Variants in UCP2 observed in about 807,000 individuals in gnomAD.
UCP2 encodes uncoupling protein 2.
Under a neutral mutation model 31.3 loss-of-function variants are expected in UCP2, and 27 were observed. That is an observed-to-expected ratio of 0.86 (90% CI 0.64 to 1.19). UCP2 has a LOEUF of 1.19. Among genes scored for constraint, UCP2 ranks in the 50% most tolerant of loss-of-function variants. The pLI is 0.00. For missense variants in UCP2, 377 were observed against 413.5 expected, an observed-to-expected ratio of 0.91 and a Z score of 0.76; for synonymous variants, 142 against 157.4, an observed-to-expected ratio of 0.90 and a Z score of 0.73.
At position 73,978,371 on chromosome 11, in the gene UCP2, C is replaced by A. The variant is rs142733319; in HGVS notation, c.8G>T (p.Gly3Val). Reference protein sequence around the residue: MVGFKATDVPPTA... With the variant: MVVFKATDVPPTA... ...AGGGGGCACATCTGTGGCCTTGAAC[C>A]CAACCATGATGCTGATTTCCTGCTA... The change falls in exon 3 of 8, where the codon GGG becomes GTG. Residue 3 changes from glycine to valine, a missense_variant. Transcript: ENST00000663595. The A allele has an allele frequency of 2.1e-5, 34 of 1,614,064 alleles. No individual in the cohort carries two copies. The African/African-American group carries it at 4.4e-4, about 21-fold the overall frequency.
At chr11:73,981,165 A>G (rs1298733218) in intron 2 of UCP2, 1 of 152,246 alleles carries the variant, frequency 6.6e-6, no homozygotes, top group East Asian at 1.9e-4. Context: ...ATCAATATGA[A>G]GTTAGAACAA....
intron 2 of UCP2, chr11:73,980,024 C>G (rs2135370909): frequency 6.6e-6 from 1 of 152,380 alleles, no homozygotes; most frequent in East Asian, 1.9e-4. Context: ...CACCACAAGA[C>G]AGGCAGGGAT....
chr11:73,977,748 A>G lies in UCP2; in HGVS notation c.337+138T>C, dbSNP rs529284886. On this transcript the variant is annotated intron_variant, in intron 4 of 7. Transcript: ENST00000663595. ...GTGCTTAGGAACTATGTGGAGGACCAGGGCCCCTTCCAGTTCTCTGTTCCC... is the reference window on the plus strand; with the variant it reads ...GTGCTTAGGAACTATGTGGAGGACCGGGGCCCCTTCCAGTTCTCTGTTCCC... 523 of 1,170,954 alleles carry G rather than the reference A, an allele frequency of 4.5e-4. 1 individual carries two copies. The highest frequency in any genetic ancestry group is 5.2e-4 in the Non-Finnish European group (432 of 828,158). 72.5% of individuals were successfully genotyped at this position (1,170,954 alleles called of 1,614,324 possible). A position where few individuals can be genotyped will look rare whatever the true frequency, so the allele number is the denominator to read the frequency against.
intron 1 of UCP2, among the ~76,000 whole-genome samples, chr11:73,982,398 C>T (rs1951474021): frequency 6.6e-6 from 1 of 152,108 alleles, no homozygotes; most frequent in Non-Finnish European, 1.5e-5. Flanking sequence ...GCCAGCCTGG[C>T]CAACATGGCG....
rs1325702657 is a variant in UCP2, at chr11:73,975,124, A to G, written c.816-3T>C. The G allele has an allele frequency of 6.2e-7, 1 of 1,609,528 alleles. No homozygotes were observed. The highest frequency in any genetic ancestry group is 1.3e-5 in the African/African-American group (1 of 74,714). On this transcript the variant is annotated splice_polypyrimidine_tract_variant and splice_region_variant and intron_variant, in intron 7 of 7. Coordinates refer to ENST00000663595, the MANE Select transcript of UCP2 (RefSeq NM_003355.3). The stretch of plus-strand genomic sequence containing the variant: ...AGCGGAGAAAGGAGGGCATGAACCT[A>G]GAGGAGAAAAATCACAGGTCATGGG...
chr11:73,976,163 G>A (rs907212883), intron 6 of UCP2, among the ~76,000 whole-genome samples: 2 of 152,086 alleles, frequency 1.3e-5, no homozygotes, highest in African/African-American at 2.4e-5. Context: ...CCAGGAGTTC[G>A]AGACCAGCCT....
chr11:73,982,452 G>A (rs914203903), intron 1 of UCP2, among the ~76,000 whole-genome samples: 2 of 152,216 alleles, frequency 1.3e-5, no homozygotes, highest in Admixed American at 1.3e-4. Context: ...AGGCGTGGTG[G>A]CGGGCGCCTG....
In UCP2 at chr11:73,981,614, A is replaced by T. The variant is rs1008897739; in HGVS notation, c.-238T>A. On this transcript the variant is annotated 5_prime_UTR_variant, in exon 2 of 8. Coordinates refer to ENST00000663595, the MANE Select transcript of UCP2 (RefSeq NM_003355.3). ...AAAATGGGTGGGAGACGAAACACCT[A>T]ATGGTCATACTATGTGTCCTGTGGG... The T allele has an allele frequency of 1.3e-5, 2 of 152,154 alleles. No individual in the cohort carries two copies. The highest frequency in any genetic ancestry group is 2.9e-5 in the Non-Finnish European group (2 of 68,050). The allele number at this position is 152,154 out of a possible 1,614,324, so 9.4% of individuals were successfully genotyped here.
At position 73,975,597 on chromosome 11, in the gene UCP2, C is replaced by G. The variant is rs758970493; in HGVS notation, c.709G>C (p.Val237Leu). The change falls in exon 7 of 8, where the codon GTG becomes CTG. Residue 237 changes from valine to leucine, a missense_variant. Val to Leu is a conservative substitution (Grantham distance 32). Coordinates refer to ENST00000663595, the MANE Select transcript of UCP2 (RefSeq NM_003355.3). ...CTTVIASPVD[V>L]VKTRYMNSAL... ...GAGTTCATGTATCTCGTCTTGACCA[C>G]GTCTACAGGGGAGGCGATGACAGTG... 1 of 1,614,170 alleles carries G rather than the reference C, an allele frequency of 6.2e-7. No individual in the cohort carries two copies. Among genetic ancestry groups the G allele is most frequent in the Non-Finnish European group, 8.5e-7 (1 of 1,180,032 alleles).
Position 73,975,005 on chromosome 11 carries a change from G to C in UCP2, c.*2C>G, listed in dbSNP as rs114649509. 325 of 1,578,444 alleles carry C rather than the reference G, an allele frequency of 2.1e-4. 1 individual carries two copies. The African/African-American group carries it at 4.2e-3, about 20-fold the overall frequency. On this transcript the variant is annotated 3_prime_UTR_variant, in exon 8 of 8. Transcript: ENST00000663595. ...GGTGATCAGGTCAGCAGCAGGAGAG[G>C]CTCAGAAGGGAGCCTCTCGGGAAGT...
Position 73,976,812 on chromosome 11 carries a change from C to G in UCP2, c.532+11G>C. 1.2e-6 allele frequency: 2 copies of G among 1,614,262 alleles called. No homozygotes were observed. The highest frequency in any genetic ancestry group is 2.2e-5 in the East Asian group (1 of 44,896). On this transcript the variant is annotated intron_variant, in intron 5 of 7. Coordinates refer to ENST00000663595, the MANE Select transcript of UCP2 (RefSeq NM_003355.3). ...GGAGGAAAAGGGGAAGGGAAAACAA[C>G]TGGTACACACCTTTCCAGAGGCCCC... is the stretch of plus-strand genomic sequence containing the variant.
Position 73,982,761 on chromosome 11 carries a change from T to G in UCP2, c.-297A>C, listed in dbSNP as rs1951481487. On this transcript the variant is annotated 5_prime_UTR_variant, in exon 1 of 8. Coordinates refer to ENST00000663595, the MANE Select transcript of UCP2 (RefSeq NM_003355.3). ...ACACGGCAGTGCGTGCGGCTGTGTCTGTCGGCTGGCGGAGGGCGCGTCGGA... is the reference window on the plus strand; with the variant it reads ...ACACGGCAGTGCGTGCGGCTGTGTCGGTCGGCTGGCGGAGGGCGCGTCGGA... 1 of 152,674 alleles carries G rather than the reference T, an allele frequency of 6.5e-6. No homozygotes were observed. The highest frequency in any genetic ancestry group is 1.5e-5 in the Non-Finnish European group (1 of 68,466). The allele number at this position is 152,674 out of a possible 1,614,324, so 9.5% of individuals were successfully genotyped here.
intron 4 of UCP2, among the ~76,000 whole-genome samples, chr11:73,977,631 T>C (rs566131417): frequency 6.6e-6 from 1 of 152,130 alleles, no homozygotes; most frequent in South Asian, 2.1e-4. Flanking sequence ...CAGTCTCTTC[T>C]TCTATAACAC....
chr11:73,974,886 G>A lies in UCP2; in HGVS notation c.*121C>T. The A allele has an allele frequency of 1.1e-6, 1 of 872,842 alleles. No individual in the cohort carries two copies. Among genetic ancestry groups the A allele is most frequent in the South Asian group, 1.4e-5 (1 of 69,588 alleles). 54.1% of individuals were successfully genotyped at this position (872,842 alleles called of 1,614,324 possible). ...AAGGTGGTAGGTAAAGGAGCGGAAG[G>A]AAGAGGTGGGGAAAGAGGGAAGGAG... On this transcript the variant is annotated 3_prime_UTR_variant, in exon 8 of 8. Coordinates refer to ENST00000663595, the MANE Select transcript of UCP2 (RefSeq NM_003355.3).
chr11:73,976,579 C>A, intron 6 of UCP2, 62 bp downstream of exon 6: 1 of 1,353,374 alleles, frequency 7.4e-7, no homozygotes, highest in South Asian at 1.2e-5. Context: ...CAGCTAGACC[C>A]CCGCACCTGC....
At chr11:73,982,547 C>T (rs977264245) in intron 1 of UCP2, among the ~76,000 whole-genome samples, 174 bp downstream of exon 1, 1 of 152,188 alleles carries the variant, frequency 6.6e-6, no homozygotes, top group African/African-American at 2.4e-5. Context: ...TGCACTCCAG[C>T]CTGGGAGACA....
rs915998020 is a variant in UCP2 at position 73,976,338 on chromosome 11, A to ACTC, written c.634+300_634+302dup. 6.6e-5 allele frequency among the ~76,000 whole-genome samples: 10 copies of ACTC among 152,056 alleles called. 1 individual carries two copies. Among genetic ancestry groups the ACTC allele is most frequent in the African/African-American group, 1.9e-4 (8 of 41,492 alleles). The stretch of plus-strand genomic sequence containing the variant: ...GAGATTACACGGGTAACAGAGTGAG[A>ACTC]CTCTATCTCAAAAAAAACAAAAAAC... On this transcript the variant is annotated intron_variant, in intron 6 of 7. Transcript: ENST00000663595.
chr11:73,981,690 G>C (rs1022826423), intron 1 of UCP2, 58 bp from the exon 2 acceptor site: 1 of 152,402 alleles, frequency 6.6e-6, no homozygotes, highest in South Asian at 2.1e-4. Context: ...AGACACACAA[G>C]CCCACCCAAT....
intron 4 of UCP2, 75 bp from the exon 5 acceptor site, chr11:73,977,092 A>C: frequency 1.4e-6 from 2 of 1,447,174 alleles, no homozygotes; most frequent in Non-Finnish European, 1.9e-6. Flanking sequence ...CACCAAAACC[A>C]CCCTGTCACT....
Sources: gnomAD v4.1 joint callset for allele counts (sites outside exome capture counted in the v4.1 genomes callset) on GRCh38, gnomAD v4.1.1 for gene constraint, MANE v1.5 for transcripts, NCBI Gene and HGNC (gene_info 2026-07-23, HGNC 2026-07-21) for gene names.